Variants in NAALADL2 observed in about 807,000 individuals in gnomAD.
The protein encoded by NAALADL2 is inactive N-acetylated-alpha-linked acidic dipeptidase-like protein 2.
NAALADL2 carries 76 observed loss-of-function variants against 87.2 expected under a neutral mutation model. That is an observed-to-expected ratio of 0.87 (90% CI 0.72 to 1.05). The LOEUF is 1.05. Ranked by LOEUF, NAALADL2 falls within the 50% of genes least tolerant of loss-of-function variation. The probability of loss-of-function intolerance (pLI) is 0.00; values close to 1 mark genes in which losing one functional copy is unlikely to be tolerated. For synonymous variants in NAALADL2, 354 were observed against 331.0 expected (o/e 1.07, Z -0.75); for missense variants, 1,089 against 945.8 (o/e 1.15, Z -1.99).
chr3:174,490,823 C>T (rs989010760), intron 1 of NAALADL2, among the ~76,000 whole-genome samples: 2 of 152,054 alleles, frequency 1.3e-5, no homozygotes, highest in African/African-American at 4.8e-5. Context: ...TATTTCATGA[C>T]TAGCAAGATA....
intron 9 of NAALADL2, among the ~76,000 whole-genome samples, chr3:175,497,419 ATACT>A (rs1453727973): frequency 1.3e-5 from 2 of 152,244 alleles, no homozygotes; most frequent in South Asian, 2.1e-4. Flanking sequence ...TAATATTTTA[ATACT>A]TACTAAGTGT....
intron 2 of NAALADL2, among the ~76,000 whole-genome samples, chr3:175,200,781 T>C (rs1739904181): frequency 6.6e-6 from 1 of 152,212 alleles, no homozygotes; most frequent in Non-Finnish European, 1.5e-5. Context: ...CAAACTTTTC[T>C]TGACACAGTT....
At chr3:175,266,788 GT>G (rs1388823526) in intron 4 of NAALADL2, among the ~76,000 whole-genome samples, 1 of 151,700 alleles carries the variant, frequency 6.6e-6, no homozygotes, top group African/African-American at 2.4e-5. Context: ...ATTAATGATT[GT>G]CTTAATATAA....
At chr3:175,013,800 G>T (rs1385694476) in intron 1 of NAALADL2, among the ~76,000 whole-genome samples, 3 of 152,028 alleles carry the variant, frequency 2.0e-5, no homozygotes, top group Non-Finnish European at 4.4e-5. Context: ...GGGACCAGGG[G>T]AGGTTTTCTT....
intron 1 of NAALADL2, among the ~76,000 whole-genome samples, chr3:174,443,366 G>A (rs1046123791): frequency 1.3e-5 from 2 of 152,184 alleles, no homozygotes; most frequent in African/African-American, 4.8e-5. Context: ...TGAGAGATAG[G>A]ATATGGAATG....
At chr3:175,304,508 T>C (rs887542576) in intron 4 of NAALADL2, among the ~76,000 whole-genome samples, 1 of 152,300 alleles carries the variant, frequency 6.6e-6, no homozygotes. Flanking sequence ...CTCATTTCTA[T>C]ATTAGTTTGG....
intron 5 of NAALADL2, among the ~76,000 whole-genome samples, chr3:175,348,402 A>C (rs1022870389): frequency 6.6e-6 from 1 of 152,192 alleles, no homozygotes; most frequent in South Asian, 2.1e-4. Context: ...ATTACCATAG[A>C]CTTGTGTATT....
intron 6 of NAALADL2, chr3:175,460,148 T>C (rs1440317340): frequency 1.8e-5 from 8 of 456,390 alleles, no homozygotes; most frequent in Non-Finnish European, 3.5e-5. Flanking sequence ...CAACGGATTG[T>C]TCAAATTAGC....
intron 5 of NAALADL2, among the ~76,000 whole-genome samples, chr3:175,363,065 A>G (rs1486233115): frequency 6.8e-6 from 1 of 146,684 alleles, no homozygotes; most frequent in East Asian, 2.0e-4. Flanking sequence ...TTATTGTATT[A>G]TCTTGTTGTA....
chr3:174,541,518 C>T (rs781682907), intron 1 of NAALADL2, among the ~76,000 whole-genome samples: 1 of 151,942 alleles, frequency 6.6e-6, no homozygotes, highest in Admixed American at 6.5e-5. Flanking sequence ...ATAAATTGAA[C>T]GTGGGTTAAT....
chr3:175,444,840 C>A (rs1329681735), intron 5 of NAALADL2, among the ~76,000 whole-genome samples: 1 of 152,118 alleles, frequency 6.6e-6, no homozygotes, highest in African/African-American at 2.4e-5. Flanking sequence ...AAGCTTAAAT[C>A]TTTATTATTT....
At chr3:175,316,297 G>T (rs1759129640) in intron 4 of NAALADL2, among the ~76,000 whole-genome samples, 1 of 152,138 alleles carries the variant, frequency 6.6e-6, no homozygotes, top group Admixed American at 6.6e-5. Context: ...TGGAGTCTGT[G>T]CACGGTATTC....
At chr3:175,762,681 A>G (rs1748178602) in intron 13 of NAALADL2, among the ~76,000 whole-genome samples, 2 of 152,206 alleles carry the variant, frequency 1.3e-5, no homozygotes, top group African/African-American at 4.8e-5. Flanking sequence ...TTTTCAATAT[A>G]TTGTCCTTCC....
chr3:175,653,401 C>CGTTAAT (rs1731049191), intron 11 of NAALADL2, among the ~76,000 whole-genome samples: 1 of 152,130 alleles, frequency 6.6e-6, no homozygotes. Flanking sequence ...GATTTTCTAA[C>CGTTAAT]GTTAATTTGT....
intron 2 of NAALADL2, among the ~76,000 whole-genome samples, chr3:174,643,154 A>G (rs1025552450): frequency 2.6e-5 from 4 of 152,050 alleles, no homozygotes; most frequent in Non-Finnish European, 4.4e-5. Flanking sequence ...TTATTGAGTC[A>G]CTCTTATAAT....
chr3:174,455,380 T>G (rs1046196230), intron 1 of NAALADL2, among the ~76,000 whole-genome samples: 1 of 152,170 alleles, frequency 6.6e-6, no homozygotes, highest in Admixed American at 6.5e-5. Context: ...ACTCATTCCA[T>G]GAGACCAGCA....
chr3:175,012,696 T>C (rs1169058104), intron 1 of NAALADL2, among the ~76,000 whole-genome samples: 1 of 152,068 alleles, frequency 6.6e-6, no homozygotes, highest in Non-Finnish European at 1.5e-5. Context: ...GTATTGTCCA[T>C]GGCTGCTTTC....
At chr3:174,728,718 A>T (rs1021052328) in intron 2 of NAALADL2, among the ~76,000 whole-genome samples, 2 of 152,098 alleles carry the variant, frequency 1.3e-5, no homozygotes, top group African/African-American at 4.8e-5. Context: ...AGAACTCATC[A>T]TACTGGAGCT....
At chr3:175,764,112 T>C (rs1342976936) in intron 13 of NAALADL2, among the ~76,000 whole-genome samples, 1 of 150,432 alleles carries the variant, frequency 6.6e-6, no homozygotes, top group Admixed American at 6.7e-5. Context: ...TTAACCTTTA[T>C]TTTATTATTA....
Sources: allele counts gnomAD v4.1 joint callset (sites outside exome capture counted in the v4.1 genomes callset), GRCh38; gene constraint gnomAD v4.1.1; transcripts MANE v1.5; gene names NCBI Gene and HGNC (gene_info 2026-07-23, HGNC 2026-07-21).